The following C11orf71 variants were observed in gnomAD, a reference collection of about 807,000 sequenced individuals.
The protein encoded by C11orf71 is uncharacterized protein C11orf71.
For synonymous variants in C11orf71, 72 were observed against 73.4 expected, an observed-to-expected ratio of 0.98 and a Z score of 0.09; for missense variants, 179 against 167.6, an observed-to-expected ratio of 1.07 and a Z score of -0.38.
chr11:114,398,328 A>T (rs1047189248), downstream of C11orf71, among the ~76,000 whole-genome samples: 13 of 152,190 alleles, frequency 8.5e-5, no homozygotes, highest in Admixed American at 8.5e-4. Flanking sequence ...AAATTGAGAA[A>T]ATAGTTACTC....
In C11orf71 at chr11:114,400,476, C is replaced by A. The variant is rs1591195804; in HGVS notation, c.-145G>T. ...CTGAGCCTGCGGAAGAGCCAGAAGC[C>A]GCCTTGCCTTTAACGAGGGGTATCC... On this transcript the variant is annotated 5_prime_UTR_variant, in exon 1 of 1. Transcript: ENST00000623205. 1 of 1,303,336 alleles carries A rather than the reference C, an allele frequency of 7.7e-7. No homozygotes were observed. Among genetic ancestry groups the A allele is most frequent in the Non-Finnish European group, 1.0e-6 (1 of 965,124 alleles). 80.7% of individuals were successfully genotyped at this position (1,303,336 alleles called of 1,614,324 possible).
At chr11:114,393,267 A>G (rs1212956708) in intron 1 of C11orf71, among the ~76,000 whole-genome samples, 1 of 152,220 alleles carries the variant, frequency 6.6e-6, no homozygotes, top group East Asian at 1.9e-4. Context: ...CTCCACACCC[A>G]CACATACTTG....
chr11:114,394,214 T>TTTCCTTTCC (rs1946100042), downstream of C11orf71, among the ~76,000 whole-genome samples: 1 of 57,046 alleles, frequency 1.8e-5, no homozygotes, highest in African/African-American at 1.0e-4. Flanking sequence ...TTTTCTTTTC[T>TTTCCTTTCC]TTTCTTTTCT....
At chr11:114,394,274 T>TCTC (rs1946109840), downstream of C11orf71, among the ~76,000 whole-genome samples, 1 of 79,388 alleles carries the variant, frequency 1.3e-5, no homozygotes, top group African/African-American at 6.7e-5. Flanking sequence ...TTTCTTTTCT[T>TCTC]TTCTTTTCTT....
At chr11:114,396,627 G>C (rs1321498969), downstream of C11orf71, among the ~76,000 whole-genome samples, 1 of 152,188 alleles carries the variant, frequency 6.6e-6, no homozygotes, top group Non-Finnish European at 1.5e-5. Context: ...AATTGGGCAG[G>C]ACTTTGCAAC....
chr11:114,399,873 AAAAC>A lies in C11orf71; in HGVS notation c.*83_*86del, dbSNP rs1462063340. On this transcript the variant is annotated 3_prime_UTR_variant, in exon 1 of 1. Coordinates refer to ENST00000623205, the MANE Select transcript of C11orf71 (RefSeq NM_001271562.2). ...AATGAAAATACATCCATCTAAAAATAAAACAACACGATTGCTGCTACACCAAGAA... is the reference window on the plus strand; with the variant it reads ...AATGAAAATACATCCATCTAAAAATAAACACGATTGCTGCTACACCAAGAA... 1 of 1,455,058 alleles carries A rather than the reference AAAAC, an allele frequency of 6.9e-7. No individual in the cohort carries two copies. Among genetic ancestry groups the A allele is most frequent in the African/African-American group, 1.4e-5 (1 of 70,500 alleles). The allele number at this position is 1,455,058 out of a possible 1,614,324, so 90.1% of individuals were successfully genotyped here.
downstream of C11orf71, among the ~76,000 whole-genome samples, chr11:114,395,288 ATAAG>A (rs1292804360): frequency 1.3e-5 from 2 of 152,168 alleles, no homozygotes; most frequent in Admixed American, 6.5e-5. Context: ...CCTGGTTAAA[ATAAG>A]TGTGTTCTTT....
chr11:114,399,723 A>C lies in C11orf71; in HGVS notation c.*237T>G, dbSNP rs1946164379. On this transcript the variant is annotated 3_prime_UTR_variant, in exon 1 of 1. Transcript: ENST00000623205. ...CTCCCATCAGCTCAGCTTTGTGACG[A>C]CCTAAGAATATCCCTTCCACACCTT... 5.1e-6 allele frequency: 3 copies of C among 584,808 alleles called. No homozygotes were observed. In the East Asian group the frequency reaches 9.5e-5, roughly 18 times the overall value. The allele number at this position is 584,808 out of a possible 1,614,324, so 36.2% of individuals were successfully genotyped here. A position where few individuals can be genotyped will look rare whatever the true frequency, so the allele number is the denominator to read the frequency against.
chr11:114,394,227 T>TCTTTTCTTTCCTTTCCTTTC (rs1565256490), downstream of C11orf71, among the ~76,000 whole-genome samples: 70 of 42,324 alleles, frequency 1.7e-3, 2 homozygotes, highest in Admixed American at 0.011. Context: ...TCTTTTCTTT[T>TCTTTTCTTTCCTTTCCTTTC]CTTTCTTTTC....
chr11:114,394,249 T>TTCTTTTCTTTTCTTTTCTC (rs1565256619), downstream of C11orf71, among the ~76,000 whole-genome samples: 3 of 61,048 alleles, frequency 4.9e-5, no homozygotes, highest in African/African-American at 2.6e-4. Context: ...TTTCTTTTCT[T>TTCTTTTCTTTTCTTTTCTC]TTCTTTTCTT....
At position 114,400,146 on chromosome 11, in the gene C11orf71, C is replaced by T; in HGVS notation, c.186G>A (p.Arg62=). The T allele has an allele frequency of 1.2e-6, 2 of 1,613,924 alleles. No homozygotes were observed. The highest frequency in any genetic ancestry group is 1.7e-6 in the Non-Finnish European group (2 of 1,179,888). The change falls in exon 1 of 1, where the codon CGG becomes CGA. Residue 62 remains arginine, a synonymous_variant. Transcript: ENST00000623205. The part of the protein sequence containing the change: ...GPRQAVRPSV[R]AESRRVDGGG... ...CACCATCCACTCGACGGCTCTCGGC[C>T]CGAACGCTTGGTCGCACCGCCTGCC...
chr11:114,393,235 A>G (rs1211452365), intron 1 of C11orf71, among the ~76,000 whole-genome samples: 1 of 152,232 alleles, frequency 6.6e-6, no homozygotes, highest in Non-Finnish European at 1.5e-5. Flanking sequence ...TATCTGTTAA[A>G]AGTTAAAACA....
At chr11:114,391,463 T>A (rs888637962) in exon 2 of C11orf71, 2 of 578,566 alleles carry the variant, frequency 3.5e-6, no homozygotes, top group African/African-American at 1.9e-5. Flanking sequence ...TCTAGTTTTT[T>A]AATGCATATT....
chr11:114,395,207 T>C (rs1565257083), downstream of C11orf71, among the ~76,000 whole-genome samples: 1 of 149,340 alleles, frequency 6.7e-6, no homozygotes. Flanking sequence ...CCCAAATACT[T>C]GAACACAGAG....
At position 114,400,001 on chromosome 11, in the gene C11orf71, T is replaced by G; in HGVS notation, c.331A>C (p.Ile111Leu). 3 of 1,612,776 alleles carry G rather than the reference T, an allele frequency of 1.9e-6. No individual in the cohort carries two copies. Among genetic ancestry groups the G allele is most frequent in the Non-Finnish European group, 2.5e-6 (3 of 1,178,856 alleles). ...LLRSVLQQRL[I>L]ALGGVIAARI... ...GCTGCGATAACACCTCCTAATGCAA[T>G]CAAACGCTGTTGCAGCACACTTCTT... The change falls in exon 1 of 1, where the codon ATT (isoleucine) becomes CTT (leucine). Residue 111 changes from isoleucine to leucine, a missense_variant. Physicochemically the swap from Ile to Leu is conservative, Grantham distance 5. Coordinates refer to ENST00000623205, the MANE Select transcript of C11orf71 (RefSeq NM_001271562.2).
downstream of C11orf71, among the ~76,000 whole-genome samples, chr11:114,398,359 A>C (rs1946143328): frequency 6.6e-6 from 1 of 152,178 alleles, no homozygotes; most frequent in Non-Finnish European, 1.5e-5. Context: ...TTTTGCATTC[A>C]GATGAGGAAC....
downstream of C11orf71, among the ~76,000 whole-genome samples, chr11:114,394,690 G>A (rs2135340520): frequency 6.6e-6 from 1 of 151,696 alleles, no homozygotes; most frequent in East Asian, 1.9e-4. Flanking sequence ...TTACAAGTGT[G>A]AGCCACCACG....
rs1393408273 is a variant in C11orf71 at position 114,400,423 on chromosome 11, C to G, written c.-92G>C. 6 of 1,444,828 alleles carry G rather than the reference C, an allele frequency of 4.2e-6. No homozygotes were observed. The highest frequency in any genetic ancestry group is 5.5e-6 in the Non-Finnish European group (6 of 1,087,412). The allele number at this position is 1,444,828 out of a possible 1,614,324, so 89.5% of individuals were successfully genotyped here. ...AGATCAGTCCAGCCTGTGTCGGACC[C>G]GATGACTAAGCACACAGGAACCCAT... is the stretch of plus-strand genomic sequence containing the variant. On this transcript the variant is annotated 5_prime_UTR_variant, in exon 1 of 1. Transcript: ENST00000623205.
downstream of C11orf71, among the ~76,000 whole-genome samples, chr11:114,394,174 G>GTTTCTTTTCTTTTC (rs1187890536): frequency 1.4e-4 from 11 of 77,532 alleles, no homozygotes; most frequent in South Asian, 4.0e-4. Flanking sequence ...TAGAGACGGG[G>GTTTCTTTTCTTTTC]TTTCGTTTCT....
Sources: allele counts gnomAD v4.1 joint callset (sites outside exome capture counted in the v4.1 genomes callset), GRCh38; gene constraint gnomAD v4.1.1; transcripts MANE v1.5; gene names NCBI Gene and HGNC (gene_info 2026-07-23, HGNC 2026-07-21).